NRG2: variants seen among roughly 807,000 people sequenced by gnomAD.
The protein encoded by NRG2 is pro-neuregulin-2, membrane-bound isoform.
NRG2 carries 27 observed loss-of-function variants against 73.9 expected under a neutral mutation model. The observed-to-expected ratio is 0.37, with a 90% confidence interval of 0.27 to 0.50. The LOEUF (loss-of-function observed/expected upper bound fraction) is 0.50. NRG2 is among the 20% of genes least tolerant of loss of function. NRG2 has a pLI of 0.96. For synonymous variants in NRG2, 532 were observed against 541.0 expected, an observed-to-expected ratio of 0.98 and a Z score of 0.23; for missense variants, 1,126 against 1,210.1, an observed-to-expected ratio of 0.93 and a Z score of 1.03.
intron 1 of NRG2, among the ~76,000 whole-genome samples, chr5:139,992,271 T>C (rs1048141635): frequency 6.6e-6 from 1 of 152,230 alleles, no homozygotes; most frequent in Middle Eastern, 3.2e-3. Flanking sequence ...TGCTCTTTAA[T>C]TATGTGTTTT....
intron 1 of NRG2, among the ~76,000 whole-genome samples, chr5:140,027,573 A>G (rs1237065139): frequency 6.6e-6 from 1 of 152,244 alleles, no homozygotes; most frequent in Non-Finnish European, 1.5e-5. Flanking sequence ...GAGAGACCAC[A>G]TTCACATAAC....
chr5:139,994,221 TC>T (rs1757861074), intron 1 of NRG2, among the ~76,000 whole-genome samples: 1 of 152,172 alleles, frequency 6.6e-6, no homozygotes, highest in Admixed American at 6.5e-5. Context: ...TCTGCTTTGT[TC>T]CAAAAAAAAG....
intron 1 of NRG2, among the ~76,000 whole-genome samples, chr5:139,996,860 G>A (rs1758052627): frequency 6.6e-6 from 1 of 152,122 alleles, no homozygotes; most frequent in South Asian, 2.1e-4. Context: ...GTGGCCAGAC[G>A]TGGTGGCTCA....
At chr5:139,966,464 A>G (rs1432441472) in intron 1 of NRG2, among the ~76,000 whole-genome samples, 2 of 152,186 alleles carry the variant, frequency 1.3e-5, no homozygotes, top group Non-Finnish European at 2.9e-5. Flanking sequence ...AAGCACCATC[A>G]GAGGTAAGAT....
rs528185922 is a variant in NRG2, at chr5:140,008,992, T to C, written c.700+33378A>G. On this transcript the variant is annotated intron_variant, in intron 1 of 9. Transcript: ENST00000361474. The surrounding 1 kb of genome is among the most constrained non-coding windows in gnomAD (Gnocchi z 4.2). ...ACAATTACACAGCAAAACAATGACA[T>C]AGCACTAGTGCATATTCAGTAACCA... 6.6e-6 allele frequency among the ~76,000 whole-genome samples: 1 copy of C among 152,294 alleles called. No homozygotes were observed. The highest frequency in any genetic ancestry group is 1.9e-4 in the East Asian group (1 of 5,192).
intron 1 of NRG2, among the ~76,000 whole-genome samples, chr5:139,906,271 G>A (rs1362568550): frequency 6.6e-6 from 1 of 152,112 alleles, no homozygotes; most frequent in Admixed American, 6.5e-5. Context: ...CTCTCAAAGT[G>A]TTGGGATTAC....
chr5:139,892,205 G>A (rs1257866464), intron 1 of NRG2, among the ~76,000 whole-genome samples: 2 of 152,158 alleles, frequency 1.3e-5, no homozygotes, highest in Non-Finnish European at 2.9e-5. Context: ...AGATGGCCTC[G>A]GAACAATGTC....
At chr5:139,994,872 G>A (rs997041470) in intron 1 of NRG2, among the ~76,000 whole-genome samples, 1 of 152,084 alleles carries the variant, frequency 6.6e-6, no homozygotes, top group African/African-American at 2.4e-5. Flanking sequence ...ATGTATTTGG[G>A]GCCAATGAAA....
intron 1 of NRG2, among the ~76,000 whole-genome samples, chr5:139,951,952 G>A (rs17118547): frequency 0.14 from 21,315 of 152,084 alleles, 1,606 homozygotes; most frequent in South Asian, 0.25. Context: ...CAACTACATC[G>A]CCAGGAAGAA....
intron 1 of NRG2, among the ~76,000 whole-genome samples, chr5:139,888,191 C>T (rs541538767): frequency 5.3e-5 from 8 of 152,114 alleles, no homozygotes; most frequent in Non-Finnish European, 1.2e-4. Flanking sequence ...AGCCAGTGCT[C>T]GTGCTGAGGT....
At chr5:139,880,739 A>C in intron 3 of NRG2, 117 bp downstream of exon 3, 1 of 678,050 alleles carries the variant, frequency 1.5e-6, no homozygotes, top group Non-Finnish European at 2.6e-6. Context: ...TGGCAGCAGC[A>C]GGAGGGAGGG....
intron 1 of NRG2, among the ~76,000 whole-genome samples, chr5:139,992,782 T>G (rs1334683698): frequency 1.3e-5 from 2 of 152,170 alleles, no homozygotes; most frequent in Non-Finnish European, 2.9e-5. Context: ...AAGCCTCACG[T>G]GTGTCCCTTC....
intron 3 of NRG2, among the ~76,000 whole-genome samples, chr5:139,875,779 G>A (rs918182294): frequency 1.3e-5 from 2 of 152,082 alleles, no homozygotes; most frequent in Non-Finnish European, 1.5e-5. Flanking sequence ...ATACACATAC[G>A]CACACACTCT....
chr5:140,011,417 T>C (rs895899353), intron 1 of NRG2, among the ~76,000 whole-genome samples: 2 of 152,220 alleles, frequency 1.3e-5, no homozygotes, highest in African/African-American at 4.8e-5. Flanking sequence ...GAGTGTGGGC[T>C]GGACCTACTG....
intron 1 of NRG2, among the ~76,000 whole-genome samples, chr5:140,010,308 A>C (rs773810907): frequency 1.3e-5 from 2 of 152,206 alleles, no homozygotes; most frequent in Non-Finnish European, 2.9e-5. Context: ...AAAAAAAATA[A>C]ATAAAATTCT....
At chr5:140,039,415 A>G (rs1253508675) in intron 1 of NRG2, among the ~76,000 whole-genome samples, 2 of 152,216 alleles carry the variant, frequency 1.3e-5, no homozygotes, top group Non-Finnish European at 2.9e-5. Flanking sequence ...CTTCTAAGAA[A>G]TGCAAAGATT....
rs1383578178 is a variant in NRG2 at position 139,868,606 on chromosome 5, G to A, written c.1113-2981C>T. On this transcript the variant is annotated intron_variant, in intron 4 of 9. Coordinates refer to ENST00000361474, the MANE Select transcript of NRG2 (RefSeq NM_004883.3). The surrounding 1 kb of genome is among the most constrained non-coding windows in gnomAD (Gnocchi z 4.2). ...AGGAGAGCCCACGGGCTGCATCTGG[G>A]GTGACAGAGAGGTCAGGACCTCTGC... Among the ~76,000 whole-genome samples the A allele has an allele frequency of 6.6e-6, 1 of 152,022 alleles. No individual in the cohort carries two copies. Among genetic ancestry groups the A allele is most frequent in the Non-Finnish European group, 1.5e-5 (1 of 67,986 alleles).
intron 1 of NRG2, among the ~76,000 whole-genome samples, chr5:140,011,230 G>A (rs1759340578): frequency 6.6e-6 from 1 of 152,126 alleles, no homozygotes; most frequent in African/African-American, 2.4e-5. Context: ...GTGCCCTCAG[G>A]TTACTTCCTA....
intron 1 of NRG2, among the ~76,000 whole-genome samples, chr5:139,966,654 G>A (rs888003225): frequency 2.8e-4 from 42 of 152,078 alleles, no homozygotes; most frequent in African/African-American, 9.9e-4. Context: ...GAGCATATGC[G>A]ACTTAAAAAA....
Sources: gnomAD v4.1 joint callset for allele counts (sites outside exome capture counted in the v4.1 genomes callset) on GRCh38, gnomAD v4.1.1 for gene constraint, Gnocchi (gnomAD v3.1) non-coding constraint, MANE v1.5 for transcripts, NCBI Gene and HGNC (gene_info 2026-07-23, HGNC 2026-07-21) for gene names.